The following THADA variants were observed in gnomAD, a reference collection of about 807,000 sequenced individuals.
THADA encodes tRNA (32-2'-O)-methyltransferase regulator THADA.
In THADA, 213 loss-of-function variants were observed where a neutral mutation model predicts 219.8. The ratio of observed to expected loss-of-function variants is 0.97; its 90% CI spans 0.87 to 1.09. The LOEUF is 1.09. Ranked by LOEUF, THADA falls within the 50% of genes least tolerant of loss-of-function variation. The pLI, the probability that THADA is intolerant of heterozygous loss-of-function variation, is 0.00. For missense variants in THADA, 2,956 were observed against 2,311.3 expected, an observed-to-expected ratio of 1.28 and a Z score of -5.72; for synonymous variants, 1,018 against 828.9, an observed-to-expected ratio of 1.23 and a Z score of -3.92.
rs1686781192 is a variant in THADA, at chr2:43,485,317, A to T, written c.3753T>A (p.Asn1251Lys). The change falls in exon 26 of 38, where the codon AAT becomes AAA. Residue 1251 changes from asparagine (N) to lysine (K), a missense_variant. By Grantham distance (94) the Asn-to-Lys change is moderately conservative. Coordinates refer to ENST00000405975, the MANE Select transcript of THADA (RefSeq NM_022065.5). ...AGGCACTAAAGAGAAGTGTGGATGA[A>T]TTTCGCACCTAATGTACAAACGAAA... The part of the protein sequence containing the change: ...GFTSPVWAVR[N>K]SSTLLFSALI... The T allele has an allele frequency of 1.2e-6, 2 of 1,612,322 alleles. No homozygotes were observed. The highest frequency in any genetic ancestry group is 1.7e-6 in the Non-Finnish European group (2 of 1,178,892).
At chr2:43,295,013 T>A (rs1675199021) in intron 31 of THADA, among the ~76,000 whole-genome samples, 1 of 152,090 alleles carries the variant, frequency 6.6e-6, no homozygotes, top group Admixed American at 6.5e-5. Context: ...AATCCCAACA[T>A]TTTGGGAGCC....
At chr2:43,326,436 T>C (rs946713855) in intron 30 of THADA, among the ~76,000 whole-genome samples, 1 of 152,080 alleles carries the variant, frequency 6.6e-6, no homozygotes, top group Non-Finnish European at 1.5e-5. Context: ...GACAATGGTA[T>C]GGGGGGCGGG....
chr2:43,233,112 A>G, intron 36 of THADA: 1 of 535,506 alleles, frequency 1.9e-6, no homozygotes. Context: ...CATGCCCCCT[A>G]ACTCAGTGTG....
At chr2:43,530,924 C>T (rs1456466981) in intron 21 of THADA, among the ~76,000 whole-genome samples, 1 of 152,182 alleles carries the variant, frequency 6.6e-6, no homozygotes, top group African/African-American at 2.4e-5. Context: ...GCAGTTTTTC[C>T]TTTCATTTTG....
Position 43,560,830 on chromosome 2 carries a change from A to G in THADA, c.2312-445T>C, listed in dbSNP as rs184427891. 4.6e-5 allele frequency among the ~76,000 whole-genome samples: 7 copies of G among 152,170 alleles called. No homozygotes were observed. The East Asian group carries it at 1.4e-3, about 29-fold the overall frequency. ...TCAAGAGTTTGAGACCAGTCTGGCC[A>G]ACAAAGTAAAACCCCTTCTCTACTA... On this transcript the variant is annotated intron_variant, in intron 15 of 37. Coordinates refer to ENST00000405975, the MANE Select transcript of THADA (RefSeq NM_022065.5).
At chr2:43,527,727 T>A (rs1313955783) in intron 22 of THADA, among the ~76,000 whole-genome samples, 152 bp downstream of exon 22, 1 of 152,204 alleles carries the variant, frequency 6.6e-6, no homozygotes, top group Non-Finnish European at 1.5e-5. Context: ...AATCATACAA[T>A]GAAACCTAAG....
intron 31 of THADA, among the ~76,000 whole-genome samples, chr2:43,308,755 TACCAAAAAAAAA>T (rs1209303410): frequency 9.5e-5 from 6 of 63,322 alleles, no homozygotes; most frequent in East Asian, 2.4e-3. Context: ...TGGATACCCA[TACCAAAAAAAAA>T]AAAAAAAAAA....
At chr2:43,381,435 C>T (rs1224933918) in intron 29 of THADA, among the ~76,000 whole-genome samples, 1 of 152,078 alleles carries the variant, frequency 6.6e-6, no homozygotes, top group East Asian at 1.9e-4. Flanking sequence ...TCTCCCAAGC[C>T]CCTGAGTGTG....
chr2:43,458,134 T>C (rs1683229373), intron 26 of THADA, among the ~76,000 whole-genome samples: 1 of 152,146 alleles, frequency 6.6e-6, no homozygotes, highest in East Asian at 1.9e-4. Flanking sequence ...CTAATTTAAA[T>C]AGGGTTACTC....
At chr2:43,268,941 T>TG (rs778164164) in intron 36 of THADA, among the ~76,000 whole-genome samples, 5 of 151,962 alleles carry the variant, frequency 3.3e-5, no homozygotes, top group East Asian at 1.9e-4. Context: ...ACGAGAAAGG[T>TG]GGGGGGGCCC....
At chr2:43,367,876 C>A (rs555166325) in intron 29 of THADA, among the ~76,000 whole-genome samples, 1 of 152,052 alleles carries the variant, frequency 6.6e-6, no homozygotes, top group East Asian at 1.9e-4. Context: ...CCCAGCACTT[C>A]GGGAGGCCAA....
At chr2:43,319,316 A>G (rs928477617) in intron 31 of THADA, among the ~76,000 whole-genome samples, 7 of 152,188 alleles carry the variant, frequency 4.6e-5, no homozygotes, top group Admixed American at 3.9e-4. Flanking sequence ...ATGCTGGGAT[A>G]AGAGGCATAA....
chr2:43,513,600 C>A (rs972749763), intron 22 of THADA, among the ~76,000 whole-genome samples: 23 of 152,166 alleles, frequency 1.5e-4, no homozygotes, highest in Non-Finnish European at 2.9e-5. Flanking sequence ...GTGACTAGAT[C>A]TATGATATCC....
intron 31 of THADA, 144 bp downstream of exon 31, chr2:43,320,302 C>G: frequency 3.8e-6 from 2 of 522,796 alleles, no homozygotes; most frequent in Non-Finnish European, 6.7e-6. Context: ...TATGAGGGAA[C>G]TATATGACAC....
intron 22 of THADA, among the ~76,000 whole-genome samples, chr2:43,515,796 G>A (rs542429315): frequency 1.3e-5 from 2 of 152,188 alleles, no homozygotes; most frequent in African/African-American, 4.8e-5. Flanking sequence ...CAAAGATTAA[G>A]TCTGCCTTCC....
chr2:43,556,611 A>C (rs927692244), intron 16 of THADA, 56 bp from the exon 17 acceptor site: 1 of 1,525,856 alleles, frequency 6.6e-7, no homozygotes, highest in Admixed American at 1.9e-5. Flanking sequence ...TTAATTTAAA[A>C]AAATAGTAAA....
At chr2:43,398,774 G>A (rs568745696) in intron 28 of THADA, among the ~76,000 whole-genome samples, 1 of 152,188 alleles carries the variant, frequency 6.6e-6, no homozygotes, top group Non-Finnish European at 1.5e-5. Flanking sequence ...AGAGGTTCAT[G>A]AATAACAGTA....
chr2:43,537,234 T>G (rs891164956), intron 21 of THADA, among the ~76,000 whole-genome samples: 1 of 152,266 alleles, frequency 6.6e-6, no homozygotes, highest in Non-Finnish European at 1.5e-5. Flanking sequence ...CTTTGCTTTC[T>G]AGCAAATTCT....
chr2:43,297,147 C>G (rs1438944087), intron 31 of THADA, among the ~76,000 whole-genome samples: 1 of 92,476 alleles, frequency 1.1e-5, no homozygotes, highest in Non-Finnish European at 2.1e-5. Flanking sequence ...CGTCTCTGCC[C>G]GGCCGCCCAT....
Sources: gnomAD v4.1 joint callset for allele counts (sites outside exome capture counted in the v4.1 genomes callset) on GRCh38, gnomAD v4.1.1 for gene constraint, MANE v1.5 for transcripts, NCBI Gene and HGNC (gene_info 2026-07-23, HGNC 2026-07-21) for gene names.